The following ROBO1 variants were observed in gnomAD, a reference collection of about 807,000 sequenced individuals.
ROBO1 encodes the protein roundabout homolog 1.
Under a neutral mutation model 195.9 loss-of-function variants are expected in ROBO1, and 149 were observed. The observed-to-expected ratio is 0.76, with a 90% CI of 0.67 to 0.87. ROBO1 has a LOEUF of 0.87. ROBO1 is among the 40% of genes least tolerant of loss of function. The probability of loss-of-function intolerance (pLI) is 0.00; values close to 1 mark genes in which losing one functional copy is unlikely to be tolerated. For synonymous variants in ROBO1, 816 were observed against 733.2 expected (o/e 1.11, Z -1.82); for missense variants, 1,933 against 2,068.3 (o/e 0.93, Z 1.27).
intron 4 of ROBO1, among the ~76,000 whole-genome samples, chr3:78,892,740 CT>C (rs1459375267): frequency 1.3e-5 from 2 of 152,082 alleles, no homozygotes; most frequent in Non-Finnish European, 2.9e-5. Context: ...GTTTAGTTCT[CT>C]TAATTTTTAT....
chr3:79,642,643 CA>C (rs1945700611), intron 1 of ROBO1, among the ~76,000 whole-genome samples: 1 of 151,962 alleles, frequency 6.6e-6, no homozygotes, highest in African/African-American at 2.4e-5. Context: ...TATTGCTATA[CA>C]AAAATACTGT....
intron 5 of ROBO1, among the ~76,000 whole-genome samples, chr3:78,731,098 G>C (rs1397003437): frequency 6.6e-6 from 1 of 152,066 alleles, no homozygotes; most frequent in Non-Finnish European, 1.5e-5. Flanking sequence ...AAGAGAAAAT[G>C]ATCTGTGTAA....
intron 14 of ROBO1, among the ~76,000 whole-genome samples, chr3:78,665,677 T>C (rs974141914): frequency 1.3e-5 from 2 of 152,146 alleles, no homozygotes; most frequent in African/African-American, 4.8e-5. Context: ...GAATCTTATA[T>C]ACTTATATAT....
intron 1 of ROBO1, among the ~76,000 whole-genome samples, chr3:79,675,955 C>G (rs1189316773): frequency 6.6e-6 from 1 of 151,912 alleles, no homozygotes; most frequent in Non-Finnish European, 1.5e-5. Context: ...GTATAGCTTT[C>G]TGTATTTTGG....
chr3:78,669,301 G>A (rs888347418), intron 11 of ROBO1, among the ~76,000 whole-genome samples: 1 of 152,186 alleles, frequency 6.6e-6, no homozygotes, highest in Non-Finnish European at 1.5e-5. Context: ...GGCAATTGCA[G>A]GAACCAAGTC....
intron 1 of ROBO1, among the ~76,000 whole-genome samples, chr3:79,756,381 C>A (rs1335228788): frequency 6.6e-6 from 1 of 151,814 alleles, no homozygotes; most frequent in African/African-American, 2.4e-5. Context: ...GAAACCCTGT[C>A]TCTACTAAAA....
chr3:79,713,181 T>G (rs1356023516), intron 1 of ROBO1, among the ~76,000 whole-genome samples: 1 of 150,658 alleles, frequency 6.6e-6, no homozygotes, highest in Non-Finnish European at 1.5e-5. Context: ...CACCCAAGAG[T>G]TTTAATGGAA....
intron 4 of ROBO1, among the ~76,000 whole-genome samples, chr3:78,897,058 A>G (rs903338194): frequency 2.0e-5 from 3 of 152,234 alleles, no homozygotes; most frequent in Non-Finnish European, 2.9e-5. Context: ...TTCCACACAC[A>G]TTAGGCTTTG....
rs750689456 is a variant in ROBO1, at chr3:79,569,128, A to G, written c.88+20696T>C. ...GACACGCATGCGCGTGCACACGCGC[A>G]CACACACACACACACACACGCACGA... On this transcript the variant is annotated intron_variant, in intron 2 of 30. Coordinates refer to ENST00000464233, the MANE Select transcript of ROBO1 (RefSeq NM_002941.4). Among the ~76,000 whole-genome samples the G allele has an allele frequency of 1.2e-3, 132 of 111,180 alleles. 1 individual carries two copies. Among genetic ancestry groups the G allele is most frequent in the South Asian group, 2.9e-3 (10 of 3,418 alleles). 72.9% of individuals were successfully genotyped at this position (111,180 alleles called of 152,430 possible). A position where few individuals can be genotyped will look rare whatever the true frequency, so the allele number is the denominator to read the frequency against.
chr3:79,603,059 C>T (rs1030583499), intron 1 of ROBO1, among the ~76,000 whole-genome samples: 4 of 151,982 alleles, frequency 2.6e-5, no homozygotes, highest in African/African-American at 9.7e-5. Flanking sequence ...TGGCCTTTCC[C>T]TGTTATGTCC....
chr3:79,240,954 C>T (rs1234207764), intron 2 of ROBO1, among the ~76,000 whole-genome samples: 1 of 152,044 alleles, frequency 6.6e-6, no homozygotes, highest in African/African-American at 2.4e-5. Flanking sequence ...ATTTTTTTAA[C>T]TTTGAAAATA....
chr3:78,848,185 C>A (rs938299364), intron 4 of ROBO1, among the ~76,000 whole-genome samples: 13 of 151,890 alleles, frequency 8.6e-5, no homozygotes, highest in African/African-American at 2.9e-4. Flanking sequence ...TCTTAAAGGG[C>A]AAAATAGATG....
At chr3:79,261,059 A>G (rs1444505314) in intron 2 of ROBO1, among the ~76,000 whole-genome samples, 2 of 152,082 alleles carry the variant, frequency 1.3e-5, no homozygotes, top group Admixed American at 6.6e-5. Flanking sequence ...CATACAAGTG[A>G]TGTTATAAAG....
chr3:79,211,190 AT>A (rs1248554519), intron 2 of ROBO1, among the ~76,000 whole-genome samples: 1 of 151,952 alleles, frequency 6.6e-6, no homozygotes, highest in Non-Finnish European at 1.5e-5. Context: ...GTTTGCTTTT[AT>A]TTCTGAATGA....
intron 4 of ROBO1, among the ~76,000 whole-genome samples, chr3:78,857,941 C>A (rs2034554513): frequency 6.6e-6 from 1 of 152,044 alleles, no homozygotes; most frequent in Admixed American, 6.6e-5. Flanking sequence ...TTGATGTTAC[C>A]AAATCTTACA....
chr3:79,546,519 G>A (rs1271625585), intron 2 of ROBO1, among the ~76,000 whole-genome samples: 1 of 152,124 alleles, frequency 6.6e-6, no homozygotes, highest in African/African-American at 2.4e-5. Flanking sequence ...AGAGTTAAGC[G>A]CTTTGGATTG....
intron 1 of ROBO1, among the ~76,000 whole-genome samples, chr3:79,633,487 A>G (rs924444380): frequency 6.6e-6 from 1 of 151,270 alleles, no homozygotes; most frequent in Non-Finnish European, 1.5e-5. Flanking sequence ...TGCCCAGCCT[A>G]CATATTTGTT....
intron 2 of ROBO1, among the ~76,000 whole-genome samples, chr3:79,313,328 T>A (rs1302605900): frequency 1.3e-5 from 2 of 152,206 alleles, no homozygotes; most frequent in African/African-American, 2.4e-5. Flanking sequence ...CCTGGGTAAT[T>A]TGACAAGGAA....
At chr3:79,719,178 GA>G (rs907292695) in intron 1 of ROBO1, among the ~76,000 whole-genome samples, 109 of 148,666 alleles carry the variant, frequency 7.3e-4, no homozygotes, top group African/African-American at 2.2e-3. Context: ...AGTTGGCAAA[GA>G]AAAAAAAAAG....
Sources: gnomAD v4.1 joint callset for allele counts (sites outside exome capture counted in the v4.1 genomes callset) on GRCh38, gnomAD v4.1.1 for gene constraint, MANE v1.5 for transcripts, NCBI Gene and HGNC (gene_info 2026-07-23, HGNC 2026-07-21) for gene names.